RHOQ: variants seen among roughly 807,000 people sequenced by gnomAD.
RHOQ encodes rho-related GTP-binding protein RhoQ.
RHOQ carries 7 observed loss-of-function variants against 25.8 expected under a neutral mutation model. That is an observed-to-expected ratio of 0.27 (90% CI 0.15 to 0.51). RHOQ has a LOEUF of 0.51. RHOQ is among the 20% of genes least tolerant of loss of function. The pLI is 0.97. For missense variants in RHOQ, 165 were observed against 260.6 expected, an observed-to-expected ratio of 0.63 and a Z score of 2.53; for synonymous variants, 97 against 98.6, an observed-to-expected ratio of 0.98 and a Z score of 0.10.
At chr2:46,543,926 T>G in intron 2 of RHOQ, 114 bp downstream of exon 2, 1 of 786,976 alleles carries the variant, frequency 1.3e-6, no homozygotes, top group Non-Finnish European at 2.1e-6. Flanking sequence ...TGCGACGGGC[T>G]TCCCCTGGAT....
intron 2 of RHOQ, among the ~76,000 whole-genome samples, chr2:46,567,870 A>G (rs1668783898): frequency 6.6e-6 from 1 of 152,084 alleles, no homozygotes; most frequent in Admixed American, 6.6e-5. Flanking sequence ...TAGCCCAGGC[A>G]ACAGAGCAAG....
At position 46,569,753 on chromosome 2, in the gene RHOQ, A is replaced by G. The variant is rs1401344525; in HGVS notation, c.202-6334A>G. On this transcript the variant is annotated intron_variant, in intron 2 of 4. Coordinates refer to ENST00000238738, the MANE Select transcript of RHOQ (RefSeq NM_012249.4). The surrounding 1 kb of genome is among the most constrained non-coding windows in gnomAD (Gnocchi z 4.1). ...AGAAGCTAAACCTTTAATTTCAAGA[A>G]TTCTTTTACTAAGCGCTAATCAGGC... is the stretch of plus-strand genomic sequence containing the variant. 2.0e-5 allele frequency among the ~76,000 whole-genome samples: 3 copies of G among 152,224 alleles called. No individual in the cohort carries two copies. The highest frequency in any genetic ancestry group is 4.4e-5 in the Non-Finnish European group (3 of 68,038).
intron 4 of RHOQ, chr2:46,580,358 T>C (rs890130474): frequency 1.3e-5 from 2 of 152,348 alleles, no homozygotes; most frequent in African/African-American, 4.8e-5. Flanking sequence ...TTCAGGTCTC[T>C]GCTCAAATAC....
In RHOQ at chr2:46,555,347, C is replaced by T. The variant is rs1449799531; in HGVS notation, c.201+11535C>T. ...TTGTAAACTCTTCCCCTTGCCGTCC[C>T]TGCAGGACTGCACGTAGCACATAGC... is the stretch of plus-strand genomic sequence containing the variant. On this transcript the variant is annotated intron_variant, in intron 2 of 4. Transcript: ENST00000238738. This position sits in a 1 kb window ranked among gnomAD's most constrained non-coding sequence, Gnocchi z 4.3. 1.3e-5 allele frequency among the ~76,000 whole-genome samples: 2 copies of T among 152,242 alleles called. No homozygotes were observed. The highest frequency in any genetic ancestry group is 4.8e-5 in the African/African-American group (2 of 41,466).
Position 46,556,487 on chromosome 2 carries a change from A to G in RHOQ, c.201+12675A>G, listed in dbSNP as rs1245486003. Among the ~76,000 whole-genome samples the G allele has an allele frequency of 6.8e-6, 1 of 146,020 alleles. No homozygotes were observed. On this transcript the variant is annotated intron_variant, in intron 2 of 4. Transcript: ENST00000238738. The surrounding 1 kb of genome is among the most constrained non-coding windows in gnomAD (Gnocchi z 4.9). ...TTCTTTTTCTTAAAAAATTTTTTTA[A>G]TTTTTTTTTTTTTGTTCCTTTTAAT...
At chr2:46,572,860 C>A in intron 2 of RHOQ, 1 of 399,756 alleles carries the variant, frequency 2.5e-6, no homozygotes, top group Non-Finnish European at 5.0e-6. Context: ...ATGAAAGATT[C>A]TGCACACCTC....
rs972966095 is a variant in RHOQ at position 46,581,216 on chromosome 2, A to G, written c.*133A>G. 11 of 981,442 alleles carry G rather than the reference A, an allele frequency of 1.1e-5. No homozygotes were observed. The highest frequency in any genetic ancestry group is 3.2e-5 in the Admixed American group (1 of 30,992). 60.8% of individuals were successfully genotyped at this position (981,442 alleles called of 1,614,324 possible). On this transcript the variant is annotated 3_prime_UTR_variant, in exon 5 of 5. Transcript: ENST00000238738. The stretch of plus-strand genomic sequence containing the variant: ...AAAGAAAACAAAACCTGTCCTCAGA[A>G]TTCTATAAAGTGTATTAAGAATGTT...
chr2:46,568,159 G>A (rs1210262837), intron 2 of RHOQ: 6 of 152,144 alleles, frequency 3.9e-5, no homozygotes, highest in African/African-American at 7.2e-5. Context: ...AGATTCATGC[G>A]ATTATAAAAG....
intron 2 of RHOQ, among the ~76,000 whole-genome samples, chr2:46,554,317 A>T (rs1668344319): frequency 6.6e-6 from 1 of 152,170 alleles, no homozygotes; most frequent in Non-Finnish European, 1.5e-5. Context: ...GAGAAAAAAA[A>T]TGGAAGCAGA....
intron 2 of RHOQ, among the ~76,000 whole-genome samples, chr2:46,561,128 CTGTG>C (rs201570998): frequency 6.7e-6 from 1 of 149,084 alleles, no homozygotes; most frequent in African/African-American, 2.5e-5. Context: ...GTTTATATGT[CTGTG>C]TGTGTGTGTA....
intron 2 of RHOQ, among the ~76,000 whole-genome samples, chr2:46,573,853 C>A (rs1669017819): frequency 2.0e-5 from 3 of 152,172 alleles, no homozygotes; most frequent in Admixed American, 6.5e-5. Context: ...TTTAAATAGT[C>A]TTAAGGCTAA....
In RHOQ at chr2:46,543,804, G is replaced by A. The variant is rs1667934555; in HGVS notation, c.193G>A (p.Ala65Thr). ...KQYLLGLYDT[A>T]GQEDYDRLRP... ...GTACCTCCTAGGACTCTATGACACG[G>A]CCGGACAGGTGAGTGTCTTGGCCTC... is the stretch of plus-strand genomic sequence containing the variant. Residue 65 changes from alanine (A) to threonine (T), a missense_variant, in exon 2 of 5, where the codon GCC becomes ACC. Transcript: ENST00000238738. 6.2e-7 allele frequency: 1 copy of A among 1,613,430 alleles called. No individual in the cohort carries two copies. Among genetic ancestry groups the A allele is most frequent in the Admixed American group, 1.7e-5 (1 of 59,960 alleles).
Position 46,578,753 on chromosome 2 carries a change from C to A in RHOQ, c.462+2097C>A, listed in dbSNP as rs550450273. Among the ~76,000 whole-genome samples, 8 of 151,876 alleles carry A rather than the reference C, an allele frequency of 5.3e-5. No homozygotes were observed. The South Asian group carries it at 1.7e-3, about 32-fold the overall frequency. ...CCTGGATGACAGAGTGAGACCCTGT[C>A]TCAAAATAAATGAATAAATAAATAA... On this transcript the variant is annotated intron_variant, in intron 4 of 4. Coordinates refer to ENST00000238738, the MANE Select transcript of RHOQ (RefSeq NM_012249.4).
intron 2 of RHOQ, among the ~76,000 whole-genome samples, chr2:46,573,765 T>C (rs1272361464): frequency 2.0e-5 from 3 of 152,246 alleles, no homozygotes; most frequent in African/African-American, 4.8e-5. Context: ...CCTGAGGAGG[T>C]AAACTTGCTT....
At chr2:46,551,276 G>C (rs973688830) in intron 2 of RHOQ, among the ~76,000 whole-genome samples, 2 of 152,226 alleles carry the variant, frequency 1.3e-5, no homozygotes, top group African/African-American at 4.8e-5. Context: ...GGTTGTCCTA[G>C]CTTGAGCAGT....
chr2:46,561,226 G>T (rs1430145258), intron 2 of RHOQ, among the ~76,000 whole-genome samples: 2 of 143,268 alleles, frequency 1.4e-5, no homozygotes, highest in Non-Finnish European at 3.0e-5. Context: ...TTTGATACAG[G>T]TATCAAAGAC....
intron 2 of RHOQ, among the ~76,000 whole-genome samples, chr2:46,575,399 TCACACACACACACA>T (rs56002979): frequency 8.2e-4 from 114 of 138,326 alleles, no homozygotes; most frequent in Non-Finnish European, 1.2e-3. Flanking sequence ...CTTTAAATCT[TCACACACACACACA>T]CACACACACA....
At chr2:46,573,526 A>T (rs1669005585) in intron 2 of RHOQ, among the ~76,000 whole-genome samples, 1 of 152,248 alleles carries the variant, frequency 6.6e-6, no homozygotes, top group Non-Finnish European at 1.5e-5. Context: ...AAAACCTGCA[A>T]TTTAAGAAAT....
At chr2:46,546,492 A>ATATG (rs1668064540) in intron 2 of RHOQ, among the ~76,000 whole-genome samples, 1 of 20,098 alleles carries the variant, frequency 5.0e-5, no homozygotes. Flanking sequence ...ATATATATAT[A>ATATG]TATATATATA....
Sources: allele counts gnomAD v4.1 joint callset (sites outside exome capture counted in the v4.1 genomes callset), GRCh38; gene constraint gnomAD v4.1.1; non-coding constraint Gnocchi (gnomAD v3.1); transcripts MANE v1.5; gene names NCBI Gene and HGNC (gene_info 2026-07-23, HGNC 2026-07-21).